TENM3: variants seen among roughly 807,000 people sequenced by gnomAD.
TENM3 encodes the protein teneurin-3.
In TENM3, 63 loss-of-function variants were observed where a neutral mutation model predicts 255.1. That is an observed-to-expected ratio of 0.25 (90% CI 0.20 to 0.30). The LOEUF is 0.30. TENM3 is among the 10% of genes least tolerant of loss of function. The pLI is 1.00. For missense variants in TENM3, 2,929 were observed against 3,461.1 expected (o/e 0.85, Z 3.86); for synonymous variants, 1,306 against 1,322.3 (o/e 0.99, Z 0.27).
the TENM3 span, among the ~76,000 whole-genome samples, chr4:182,117,379 A>G: frequency 0.12 from 19,014 of 152,224 alleles, 1,310 homozygotes; most frequent in South Asian, 0.18. Flanking sequence ...GTCATTGCCA[A>G]AGCCAAGGTC....
chr4:182,444,019 T>C (rs561693372), intron 3 of TENM3, among the ~76,000 whole-genome samples: 1 of 152,340 alleles, frequency 6.6e-6, no homozygotes, highest in East Asian at 1.9e-4. Context: ...AATAAATATG[T>C]CTATTGTGGG....
the TENM3 span, among the ~76,000 whole-genome samples, chr4:181,713,606 C>T: frequency 1.4e-4 from 21 of 152,144 alleles, no homozygotes; most frequent in African/African-American, 4.6e-4. Context: ...CACCTGCCCT[C>T]GAAAAGATGT....
At chr4:181,735,741 G>GC in the TENM3 span, among the ~76,000 whole-genome samples, 1 of 151,988 alleles carries the variant, frequency 6.6e-6, no homozygotes, top group Non-Finnish European at 1.5e-5. Context: ...AGACACTAGA[G>GC]CAAGACTTGA....
chr4:182,573,279 A>G (rs952079233), intron 3 of TENM3, among the ~76,000 whole-genome samples: 10 of 152,210 alleles, frequency 6.6e-5, no homozygotes, highest in Non-Finnish European at 1.5e-4. Context: ...GTGTGTATAT[A>G]CGCTTATGAA....
chr4:181,972,673 T>G, the TENM3 span, among the ~76,000 whole-genome samples: 1 of 152,118 alleles, frequency 6.6e-6, no homozygotes, highest in African/African-American at 2.4e-5. Flanking sequence ...GCAGTATCTT[T>G]GACTGGTGCC....
chr4:182,659,213 G>A (rs1561067378), intron 6 of TENM3, among the ~76,000 whole-genome samples: 3 of 152,068 alleles, frequency 2.0e-5, no homozygotes. Flanking sequence ...CTCTCTTTCA[G>A]GGATTTCTGT....
chr4:182,108,669 G>A, the TENM3 span, among the ~76,000 whole-genome samples: 5 of 152,080 alleles, frequency 3.3e-5, no homozygotes, highest in African/African-American at 9.7e-5. Flanking sequence ...AAATAAGTCC[G>A]AAGAGGATAA....
the TENM3 span, among the ~76,000 whole-genome samples, chr4:182,112,248 T>G: frequency 6.6e-6 from 1 of 152,030 alleles, no homozygotes; most frequent in South Asian, 2.1e-4. Context: ...TAGCGCGCCC[T>G]CCCCAACAAA....
the TENM3 span, among the ~76,000 whole-genome samples, chr4:181,817,812 AG>A: frequency 6.6e-6 from 1 of 152,166 alleles, no homozygotes; most frequent in Non-Finnish European, 1.5e-5. Flanking sequence ...TGGCCCTCCC[AG>A]CCTCTAGAAC....
At chr4:181,586,877 AAAAC>A in the TENM3 span, among the ~76,000 whole-genome samples, 1 of 149,386 alleles carries the variant, frequency 6.7e-6, no homozygotes, top group African/African-American at 2.5e-5. Flanking sequence ...CAAACAAACA[AAAAC>A]AAAAGAAGCA....
chr4:181,613,069 G>A, the TENM3 span, among the ~76,000 whole-genome samples: 5 of 152,086 alleles, frequency 3.3e-5, no homozygotes, highest in Admixed American at 2.0e-4. Flanking sequence ...CTATCATGCC[G>A]TTTGGTATGT....
the TENM3 span, among the ~76,000 whole-genome samples, chr4:181,540,067 G>T: frequency 2.0e-5 from 3 of 152,082 alleles, no homozygotes; most frequent in Admixed American, 1.3e-4. Context: ...GCATCCTAGT[G>T]GTGCCAGAAA....
the TENM3 span, among the ~76,000 whole-genome samples, chr4:181,605,831 G>T: frequency 6.6e-6 from 1 of 152,166 alleles, no homozygotes; most frequent in Non-Finnish European, 1.5e-5. Context: ...AAAATCTTTT[G>T]ATAGTATTGG....
intron 1 of TENM3, among the ~76,000 whole-genome samples, chr4:182,174,445 G>GCT (rs1752315683): frequency 7.4e-6 from 1 of 135,376 alleles, no homozygotes; most frequent in Non-Finnish European, 1.5e-5. Flanking sequence ...CTCTTTTTGT[G>GCT]TTTTTTTTTT....
the TENM3 span, among the ~76,000 whole-genome samples, chr4:181,851,351 G>A: frequency 0.042 from 6,462 of 152,132 alleles, 447 homozygotes; most frequent in African/African-American, 0.15. Context: ...TCCCAAAGTC[G>A]GAGTTACCCA....
chr4:182,740,760 A>G (rs1221703361), intron 18 of TENM3, among the ~76,000 whole-genome samples: 2 of 152,238 alleles, frequency 1.3e-5, no homozygotes, highest in African/African-American at 4.8e-5. Context: ...TATATGTATA[A>G]TATAAATACA....
chr4:181,742,498 A>G, the TENM3 span, among the ~76,000 whole-genome samples: 10 of 152,232 alleles, frequency 6.6e-5, no homozygotes, highest in East Asian at 1.5e-3. Flanking sequence ...ATTTTTTAAA[A>G]AAGACTTTCT....
chr4:182,084,387 T>C, the TENM3 span, among the ~76,000 whole-genome samples: 1 of 152,222 alleles, frequency 6.6e-6, no homozygotes, highest in Non-Finnish European at 1.5e-5. Flanking sequence ...ATAATCACAC[T>C]AACAAATCTG....
the TENM3 span, among the ~76,000 whole-genome samples, chr4:182,081,015 A>G: frequency 6.6e-6 from 1 of 152,060 alleles, no homozygotes; most frequent in Non-Finnish European, 1.5e-5. Context: ...ACGACTAAGT[A>G]TCGCTGCCTT....
Sources: allele counts gnomAD v4.1 joint callset (sites outside exome capture counted in the v4.1 genomes callset), GRCh38; gene constraint gnomAD v4.1.1; transcripts MANE v1.5; gene names NCBI Gene and HGNC (gene_info 2026-07-23, HGNC 2026-07-21).